The following ST3GAL6 variants were observed in gnomAD, a reference collection of about 807,000 sequenced individuals.
The protein encoded by ST3GAL6 is ST3 beta-galactoside alpha-2,3-sialyltransferase 6.
Under a neutral mutation model 40.5 loss-of-function variants are expected in ST3GAL6, and 31 were observed. That is an observed-to-expected ratio of 0.77 (90% CI 0.58 to 1.03). ST3GAL6 has a LOEUF of 1.03. Among genes scored for constraint, ST3GAL6 ranks in the 50% least tolerant of loss-of-function variants. The pLI is 0.00. For synonymous variants in ST3GAL6, 129 were observed against 136.9 expected, an observed-to-expected ratio of 0.94 and a Z score of 0.40; for missense variants, 357 against 393.2, an observed-to-expected ratio of 0.91 and a Z score of 0.78.
chr3:98,738,425 C>A (rs7614161), intron 1 of ST3GAL6, among the ~76,000 whole-genome samples: 51,641 of 151,692 alleles, frequency 0.34, 9,453 homozygotes, highest in African/African-American at 0.44. Flanking sequence ...AGATACACAC[C>A]GCCACACCCG....
rs1026904497 is a variant in ST3GAL6, at chr3:98,732,917, G to A, written c.-12+385G>A. 4.1e-5 allele frequency: 62 copies of A among 1,508,722 alleles called. No individual in the cohort carries two copies. The Middle Eastern group carries it at 1.1e-3, about 27-fold the overall frequency. 93.5% of individuals were successfully genotyped at this position (1,508,722 alleles called of 1,614,324 possible). On this transcript the variant is annotated intron_variant, in intron 1 of 9. Transcript: ENST00000265261. ...AGCCGGCTGGAGCAGCGGCCCCTCA[G>A]GTCTCGGAGCCCGGTGCGCCTCTGC...
rs151077447 is a variant in ST3GAL6, at chr3:98,763,571, C to T, written c.-12+132C>T. ...GGGGGATGTGCTTCTCTTATTTGCA[C>T]AAAGATGTGAGTTACTGAGGAGTAT... On this transcript the variant is annotated intron_variant, in intron 1 of 9. Coordinates refer to ENST00000483910, the MANE Select transcript of ST3GAL6 (RefSeq NM_001323368.2). The T allele has an allele frequency of 7.5e-3, 6,145 of 821,782 alleles. 65 individuals are homozygous for T. Among genetic ancestry groups the T allele is most frequent in the South Asian group, 0.028 (1,783 of 63,962 alleles). 50.9% of individuals were successfully genotyped at this position (821,782 alleles called of 1,614,324 possible).
intron 1 of ST3GAL6, among the ~76,000 whole-genome samples, chr3:98,743,985 A>T (rs1411708537): frequency 2.0e-5 from 3 of 149,590 alleles, no homozygotes; most frequent in Non-Finnish European, 3.0e-5. Flanking sequence ...GAGTCATGGC[A>T]GATGTAATTA....
At chr3:98,735,515 A>C (rs1935467420) in intron 1 of ST3GAL6, among the ~76,000 whole-genome samples, 1 of 152,196 alleles carries the variant, frequency 6.6e-6, no homozygotes, top group East Asian at 1.9e-4. Flanking sequence ...GGTCTGGCGA[A>C]ATCTAGGAGT....
intron 1 of ST3GAL6, among the ~76,000 whole-genome samples, chr3:98,745,823 A>C (rs1936498965): frequency 6.6e-6 from 1 of 152,182 alleles, no homozygotes. Context: ...ATGTAATTGA[A>C]AAAATATAAA....
chr3:98,784,508 C>T (rs1425294889), intron 5 of ST3GAL6: 1 of 158,314 alleles, frequency 6.3e-6, no homozygotes, highest in Non-Finnish European at 1.4e-5. Context: ...AGAATGTAGA[C>T]CTGCATAATG....
At chr3:98,766,446 G>T (rs1938352004) in intron 1 of ST3GAL6, among the ~76,000 whole-genome samples, 1 of 125,592 alleles carries the variant, frequency 8.0e-6, no homozygotes, top group Admixed American at 8.8e-5. Context: ...TTGGGAAAGG[G>T]AGTCTCACTC....
At chr3:98,756,585 A>G (rs1448186305) in intron 1 of ST3GAL6, 1 of 1,191,830 alleles carries the variant, frequency 8.4e-7, no homozygotes, top group Non-Finnish European at 1.1e-6. Flanking sequence ...GCTTAAATGT[A>G]AACTTGAGCA....
intron 8 of ST3GAL6, among the ~76,000 whole-genome samples, chr3:98,790,367 A>T (rs1341581808): frequency 1.3e-5 from 2 of 152,202 alleles, no homozygotes; most frequent in Admixed American, 6.5e-5. Context: ...AGCACTGCAA[A>T]TGTGAGTAAA....
upstream of ST3GAL6, among the ~76,000 whole-genome samples, chr3:98,761,538 TGG>T (rs1937766798): frequency 7.4e-6 from 1 of 135,610 alleles, no homozygotes; most frequent in Admixed American, 7.9e-5. Context: ...TGAACCCGGG[TGG>T]TGGAGGTTGC....
chr3:98,763,475 G>A, intron 1 of ST3GAL6, 36 bp downstream of exon 1: 1 of 1,289,320 alleles, frequency 7.8e-7, no homozygotes, highest in South Asian at 1.2e-5. Context: ...TTAAGGGGAA[G>A]GTTGTGGCTT....
chr3:98,785,715 T>A (rs1940636487), intron 6 of ST3GAL6, among the ~76,000 whole-genome samples: 1 of 152,210 alleles, frequency 6.6e-6, no homozygotes, highest in African/African-American at 2.4e-5. Flanking sequence ...TTAAGGGTTT[T>A]AAGCAAGAGA....
chr3:98,766,115 G>C lies in ST3GAL6; in HGVS notation c.-11-2315G>C, dbSNP rs2107142364. 2.6e-5 allele frequency among the ~76,000 whole-genome samples: 4 copies of C among 152,222 alleles called. No homozygotes were observed. The Middle Eastern group carries it at 0.01, about 388-fold the overall frequency. On this transcript the variant is annotated intron_variant, in intron 1 of 9. Coordinates refer to ENST00000483910, the MANE Select transcript of ST3GAL6 (RefSeq NM_001323368.2). ...CAAGAGTGGGTTCGTTTTATTGTTT[G>C]AAAACAGAGCATTCTCTCACACTTC...
At chr3:98,750,877 G>A (rs1450235158) in intron 1 of ST3GAL6, among the ~76,000 whole-genome samples, 1 of 152,042 alleles carries the variant, frequency 6.6e-6, no homozygotes, top group Non-Finnish European at 1.5e-5. Flanking sequence ...CTGCTTGGTA[G>A]CCATCAGAAC....
upstream of ST3GAL6, among the ~76,000 whole-genome samples, chr3:98,760,570 G>C (rs1576069300): frequency 6.6e-6 from 1 of 152,072 alleles, no homozygotes; most frequent in African/African-American, 2.4e-5. Flanking sequence ...TCAGTGATTT[G>C]TATTATTCAA....
intron 1 of ST3GAL6, among the ~76,000 whole-genome samples, chr3:98,737,709 A>G (rs934278995): frequency 1.3e-5 from 2 of 152,236 alleles, no homozygotes; most frequent in African/African-American, 4.8e-5. Context: ...TTTCTGATTA[A>G]CACAGTGGCA....
intron 5 of ST3GAL6, among the ~76,000 whole-genome samples, chr3:98,778,107 C>T (rs1295639935): frequency 1.3e-5 from 2 of 152,212 alleles, no homozygotes; most frequent in African/African-American, 4.8e-5. Context: ...CTTCTGAAAG[C>T]ATGCCAAGTT....
intron 1 of ST3GAL6, among the ~76,000 whole-genome samples, chr3:98,746,461 T>C (rs527256575): frequency 6.6e-6 from 1 of 152,296 alleles, no homozygotes; most frequent in East Asian, 1.9e-4. Flanking sequence ...GAAGATACTT[T>C]TCTTCTCCCC....
chr3:98,790,684 G>A (rs1003031099), intron 8 of ST3GAL6, among the ~76,000 whole-genome samples: 2 of 152,130 alleles, frequency 1.3e-5, no homozygotes, highest in Admixed American at 6.6e-5. Flanking sequence ...CAGGGTGACT[G>A]CAGTGCTTAT....
Sources: allele counts gnomAD v4.1 joint callset (sites outside exome capture counted in the v4.1 genomes callset), GRCh38; gene constraint gnomAD v4.1.1; transcripts MANE v1.5; gene names NCBI Gene and HGNC (gene_info 2026-07-23, HGNC 2026-07-21).